Variants in DENR observed in about 807,000 individuals in gnomAD.
The protein encoded by DENR is density-regulated protein.
A neutral mutation model predicts 30.6 loss-of-function variants in DENR; 6 were observed. The observed-to-expected ratio is 0.20, with a 90% confidence interval of 0.11 to 0.39. The LOEUF is 0.39. Ranked by LOEUF, DENR falls within the 10% of genes least tolerant of loss-of-function variation. The probability of loss-of-function intolerance (pLI) is 1.00; values close to 1 mark genes in which losing one functional copy is unlikely to be tolerated. For synonymous variants in DENR, 78 were observed against 72.1 expected, an observed-to-expected ratio of 1.08 and a Z score of -0.41; for missense variants, 141 against 230.9, an observed-to-expected ratio of 0.61 and a Z score of 2.52.
intron 2 of DENR, among the ~76,000 whole-genome samples, chr12:122,760,843 C>T (rs953205549): frequency 1.3e-5 from 2 of 152,232 alleles, no homozygotes; most frequent in South Asian, 2.1e-4. Flanking sequence ...CAGGCTCTAA[C>T]ACCAAATGAC....
At chr12:122,765,686 A>G (rs1168876303) in intron 5 of DENR, among the ~76,000 whole-genome samples, 3 of 152,138 alleles carry the variant, frequency 2.0e-5, no homozygotes, top group Non-Finnish European at 4.4e-5. Context: ...GTAATTCCCC[A>G]TGTATATCAT....
chr12:122,757,379 A>T (rs74970176), intron 2 of DENR, among the ~76,000 whole-genome samples: 8,031 of 152,308 alleles, frequency 0.053, 392 homozygotes, highest in East Asian at 0.27. Context: ...ACATTTTAAC[A>T]GGTGAGTTAT....
In DENR at chr12:122,767,507, A is replaced by G. The variant is rs1410925292; in HGVS notation, c.315A>G (p.Lys105=). 6.4e-7 allele frequency: 1 copy of G among 1,571,688 alleles called. No homozygotes were observed. The highest frequency in any genetic ancestry group is 8.6e-7 in the Non-Finnish European group (1 of 1,160,908). ...KQKRGGRGQI[K]QKKKTVPQKV... ...ATAAAGGTGGAAGGGGTCAAATAAA[A>G]CAAAAAAAGAAGACCGTACCACAAA... Residue 105 remains lysine (K), a synonymous_variant, in exon 6 of 8, where the codon AAA becomes AAG. Coordinates refer to ENST00000280557, the MANE Select transcript of DENR (RefSeq NM_003677.5).
chr12:122,753,669 G>C (rs745840391), intron 1 of DENR, 24 bp from the exon 2 acceptor site: 1 of 1,553,242 alleles, frequency 6.4e-7, no homozygotes, highest in South Asian at 1.1e-5. Context: ...AATAGTGAGG[G>C]TGTGTTATTT....
At chr12:122,760,589 G>A (rs545709717) in intron 2 of DENR, among the ~76,000 whole-genome samples, 1 of 152,238 alleles carries the variant, frequency 6.6e-6, no homozygotes, top group South Asian at 2.1e-4. Flanking sequence ...AAATTAGCCG[G>A]GCGCGGTGGC....
At position 122,762,932 on chromosome 12, in the gene DENR, A is replaced by G; in HGVS notation, c.211+3A>G. The stretch of plus-strand genomic sequence containing the variant: ...TGAATTTGCAAAACTTACTGTAGGT[A>G]TGAACATTTTTTTTCTTGCATTAAA... On this transcript the variant is annotated splice_donor_region_variant and intron_variant, in intron 4 of 7. Coordinates refer to ENST00000280557, the MANE Select transcript of DENR (RefSeq NM_003677.5). The G allele has an allele frequency of 1.3e-6, 2 of 1,517,562 alleles. No individual in the cohort carries two copies. The highest frequency in any genetic ancestry group is 1.8e-6 in the Non-Finnish European group (2 of 1,123,284). 94.0% of individuals were successfully genotyped at this position (1,517,562 alleles called of 1,614,324 possible).
chr12:122,757,458 T>G (rs533703270), intron 2 of DENR, among the ~76,000 whole-genome samples: 1 of 152,320 alleles, frequency 6.6e-6, no homozygotes, highest in African/African-American at 2.4e-5. Flanking sequence ...CAGTTCTACT[T>G]GGGAGAACTG....
Position 122,762,880 on chromosome 12 carries a change from A to G in DENR, c.162A>G (p.Arg54=). The part of the protein sequence containing the change: ...CEYMPDVAKC[R]QWLEKNFPNE... Reference sequence around the variant, plus strand: ...ATATGCCTGATGTTGCTAAATGTAGACAATGGTTAGAGAAGAATTTTCCAA... The same window carrying G: ...ATATGCCTGATGTTGCTAAATGTAGGCAATGGTTAGAGAAGAATTTTCCAA... The change falls in exon 4 of 8, where the codon AGA becomes AGG. Residue 54 remains arginine, a synonymous_variant. Coordinates refer to ENST00000280557, the MANE Select transcript of DENR (RefSeq NM_003677.5). 6.5e-7 allele frequency: 1 copy of G among 1,550,136 alleles called. No homozygotes were observed. Among genetic ancestry groups the G allele is most frequent in the Non-Finnish European group, 8.7e-7 (1 of 1,146,600 alleles).
In DENR at chr12:122,769,428, G is replaced by C. The variant is rs1018669022; in HGVS notation, c.*350G>C. 1 of 986,710 alleles carries C rather than the reference G, an allele frequency of 1.0e-6. No individual in the cohort carries two copies. Among genetic ancestry groups the C allele is most frequent in the African/African-American group, 1.8e-5 (1 of 56,972 alleles). The allele number at this position is 986,710 out of a possible 1,614,324, so 61.1% of individuals were successfully genotyped here. On this transcript the variant is annotated 3_prime_UTR_variant, in exon 8 of 8. Transcript: ENST00000280557. ...TATTGCCAAAGTCAAATAAACGGGA[G>C]ACTGTCATGCTCATGCATGAATAGA...
intron 2 of DENR, among the ~76,000 whole-genome samples, chr12:122,758,790 TGA>T (rs1348044821): frequency 6.6e-6 from 1 of 151,686 alleles, no homozygotes; most frequent in African/African-American, 2.4e-5. Flanking sequence ...GGTGACAAAG[TGA>T]GACTGTCTCT....
Position 122,768,864 on chromosome 12 carries a change from C to A in DENR, c.495C>A (p.Ile165=), listed in dbSNP as rs1206092628. ...CAGTAACAGGGGAGGATGAAATTAT[C>A]ATTCAGGGAGATTTTACAGATGACA... The part of the protein sequence containing the change: ...GASVTGEDEI[I]IQGDFTDDII... The change falls in exon 7 of 8, where the codon ATC becomes ATA. Residue 165 remains isoleucine, a synonymous_variant. Coordinates refer to ENST00000280557, the MANE Select transcript of DENR (RefSeq NM_003677.5). The A allele has an allele frequency of 1.2e-6, 2 of 1,612,304 alleles. No individual in the cohort carries two copies.
chr12:122,766,640 A>C (rs902719182), intron 5 of DENR, among the ~76,000 whole-genome samples: 3 of 152,050 alleles, frequency 2.0e-5, no homozygotes, highest in Non-Finnish European at 4.4e-5. Context: ...CTTTTTCTCT[A>C]TTTTGGTTAG....
In DENR at chr12:122,767,583, G is replaced by C; in HGVS notation, c.391G>C (p.Val131Leu). 1.3e-6 allele frequency: 2 copies of C among 1,599,568 alleles called. No individual in the cohort carries two copies. Among genetic ancestry groups the C allele is most frequent in the Non-Finnish European group, 1.7e-6 (2 of 1,173,720 alleles). Residue 131 changes from valine (V) to leucine (L), a missense_variant, in exon 6 of 8, where the codon GTA (valine) becomes CTA (leucine). Transcript: ENST00000280557. ...AGCAAAGAAGAAATATGTGACAAGA[G>C]TATGTGGCCTTGCAACTTTTGGTGA... ...PRAKKKYVTRVCGLATFEIDL... is the reference protein window; with the variant it reads ...PRAKKKYVTRLCGLATFEIDL...
chr12:122,768,930 A>G lies in DENR; in HGVS notation c.552+9A>G, dbSNP rs779570993. On this transcript the variant is annotated intron_variant, in intron 7 of 7. Coordinates refer to ENST00000280557, the MANE Select transcript of DENR (RefSeq NM_003677.5). ...AGGAAAAATGGCCAGAGGTGAGTGCATGGAACACATACATCGCTAGAGATA... is the reference window on the plus strand; with the variant it reads ...AGGAAAAATGGCCAGAGGTGAGTGCGTGGAACACATACATCGCTAGAGATA... 1 of 1,610,614 alleles carries G rather than the reference A, an allele frequency of 6.2e-7. No individual in the cohort carries two copies. Among genetic ancestry groups the G allele is most frequent in the South Asian group, 1.1e-5 (1 of 90,164 alleles).
chr12:122,757,808 CTGTT>C (rs1003791689), intron 2 of DENR, among the ~76,000 whole-genome samples: 1 of 152,130 alleles, frequency 6.6e-6, no homozygotes, highest in Non-Finnish European at 1.5e-5. Context: ...TGGATAATAA[CTGTT>C]TGGAAGGAAG....
At chr12:122,757,810 G>A (rs564328001) in intron 2 of DENR, among the ~76,000 whole-genome samples, 6 of 152,176 alleles carry the variant, frequency 3.9e-5, no homozygotes, top group Non-Finnish European at 7.3e-5. Context: ...GATAATAACT[G>A]TTTGGAAGGA....
rs1593765490 is a variant in DENR, at chr12:122,769,179, T to A, written c.*101T>A. ...ATATATATATATACACATATATATG[T>A]ATATATACACATATATGTATGTATA... On this transcript the variant is annotated 3_prime_UTR_variant, in exon 8 of 8. Transcript: ENST00000280557. The A allele has an allele frequency of 3.6e-6, 4 of 1,116,456 alleles. No individual in the cohort carries two copies. The highest frequency in any genetic ancestry group is 4.7e-6 in the Non-Finnish European group (4 of 852,598). 69.2% of individuals were successfully genotyped at this position (1,116,456 alleles called of 1,614,324 possible). A position where few individuals can be genotyped will look rare whatever the true frequency, so the allele number is the denominator to read the frequency against.
At chr12:122,767,009 A>T (rs1878869423) in intron 5 of DENR, among the ~76,000 whole-genome samples, 2 of 152,224 alleles carry the variant, frequency 1.3e-5, no homozygotes, top group South Asian at 4.1e-4. Flanking sequence ...TTATCTCTGT[A>T]CTTGTTCCCT....
chr12:122,762,823 C>T (rs1304757855), intron 3 of DENR, 22 bp from the exon 4 acceptor site: 5 of 1,446,684 alleles, frequency 3.5e-6, no homozygotes, highest in Non-Finnish European at 4.7e-6. Context: ...TGTTGTGACT[C>T]AGTTCTTTTT....
Sources: gnomAD v4.1 joint callset for allele counts (sites outside exome capture counted in the v4.1 genomes callset) on GRCh38, gnomAD v4.1.1 for gene constraint, MANE v1.5 for transcripts, NCBI Gene and HGNC (gene_info 2026-07-23, HGNC 2026-07-21) for gene names.